RGS6: variants seen among roughly 807,000 people sequenced by gnomAD.
RGS6 encodes the protein regulator of G protein signaling 6.
Under a neutral mutation model 78.5 loss-of-function variants are expected in RGS6, and 30 were observed. That is an observed-to-expected ratio of 0.38 (90% CI 0.29 to 0.52). The LOEUF (loss-of-function observed/expected upper bound fraction) is 0.52. RGS6 is among the 20% of genes least tolerant of loss of function. The pLI, the probability that RGS6 is intolerant of heterozygous loss-of-function variation, is 0.85. For synonymous variants in RGS6, 206 were observed against 206.0 expected (o/e 1.00, Z 0.00); for missense variants, 495 against 609.7 (o/e 0.81, Z 1.98).
chr14:72,188,165 T>A (rs948136868), intron 2 of RGS6, among the ~76,000 whole-genome samples: 6 of 152,134 alleles, frequency 3.9e-5, no homozygotes, highest in Non-Finnish European at 8.8e-5. Flanking sequence ...CGTCCAGGCC[T>A]GAGTTGTAGT....
chr14:72,312,201 G>A (rs550612803), intron 2 of RGS6, among the ~76,000 whole-genome samples: 1 of 149,048 alleles, frequency 6.7e-6, no homozygotes, highest in Non-Finnish European at 1.5e-5. Flanking sequence ...AATTTATAGA[G>A]TTGCTTACAT....
chr14:72,570,958 G>A (rs2097719539), downstream of RGS6, among the ~76,000 whole-genome samples: 1 of 151,968 alleles, frequency 6.6e-6, no homozygotes, highest in South Asian at 2.1e-4. Flanking sequence ...ATAATCTTTG[G>A]GAATTTCATT....
intron 2 of RGS6, among the ~76,000 whole-genome samples, chr14:71,985,922 C>T (rs2094692854): frequency 6.6e-6 from 1 of 152,222 alleles, no homozygotes; most frequent in Non-Finnish European, 1.5e-5. Context: ...CCTGCACCAC[C>T]TCTGCCTACA....
At chr14:72,065,923 C>T (rs1017510927) in intron 2 of RGS6, among the ~76,000 whole-genome samples, 2 of 150,958 alleles carry the variant, frequency 1.3e-5, no homozygotes, top group Non-Finnish European at 3.0e-5. Context: ...CCCTCCCCCC[C>T]TCCCCCCAGC....
chr14:72,399,760 T>C (rs1287805799), intron 3 of RGS6, among the ~76,000 whole-genome samples: 2 of 152,080 alleles, frequency 1.3e-5, no homozygotes, highest in Admixed American at 6.5e-5. Context: ...TGCTTGTCTG[T>C]AAAGTATTTT....
chr14:72,547,515 A>G lies in RGS6; in HGVS notation c.1422+7421A>G, dbSNP rs115635559. On this transcript the variant is annotated intron_variant, in intron 17 of 17. Coordinates refer to ENST00000553525, the MANE Select transcript of RGS6 (RefSeq NM_001204424.2). ...CATGACATTTTGGAAGGAGGCCAGGATACCTGTCCATAGGTAGGAATAGCC... is the reference window on the plus strand; with the variant it reads ...CATGACATTTTGGAAGGAGGCCAGGGTACCTGTCCATAGGTAGGAATAGCC... The G allele has an allele frequency of 3.2e-3, 1,994 of 623,110 alleles. 28 individuals are homozygous for G. Among genetic ancestry groups the G allele is most frequent in the African/African-American group, 0.031 (1,716 of 54,662 alleles). 38.6% of individuals were successfully genotyped at this position (623,110 alleles called of 1,614,324 possible). A position where few individuals can be genotyped will look rare whatever the true frequency, so the allele number is the denominator to read the frequency against.
intron 17 of RGS6, among the ~76,000 whole-genome samples, chr14:72,554,579 G>A (rs969283751): frequency 2.8e-4 from 42 of 152,284 alleles, no homozygotes; most frequent in Middle Eastern, 3.4e-3. Flanking sequence ...TGGGAAGGAG[G>A]AGGAGAAGAG....
chr14:72,541,604 T>C (rs1567089805), intron 17 of RGS6: 2 of 1,535,644 alleles, frequency 1.3e-6, no homozygotes, highest in Non-Finnish European at 1.7e-6. Flanking sequence ...CTTCACTCCA[T>C]GATGGCCTGA....
At chr14:72,220,286 G>A (rs534750826) in intron 2 of RGS6, among the ~76,000 whole-genome samples, 1 of 152,008 alleles carries the variant, frequency 6.6e-6, no homozygotes, top group South Asian at 2.1e-4. Context: ...CATCTGAATT[G>A]TTCCTGGATC....
the RGS6 span, among the ~76,000 whole-genome samples, chr14:72,622,904 A>G: frequency 1.3e-5 from 2 of 152,174 alleles, no homozygotes; most frequent in African/African-American, 2.4e-5. Flanking sequence ...AATCCTCTAC[A>G]TTTACACTAT....
intron 13 of RGS6, among the ~76,000 whole-genome samples, chr14:72,505,020 C>T (rs2096781825): frequency 6.7e-6 from 1 of 148,364 alleles, no homozygotes; most frequent in Non-Finnish European, 1.5e-5. Flanking sequence ...TTGTGATCCG[C>T]CTGCATTGGC....
At chr14:72,625,819 C>A in the RGS6 span, among the ~76,000 whole-genome samples, 2 of 152,164 alleles carry the variant, frequency 1.3e-5, no homozygotes, top group Non-Finnish European at 2.9e-5. Context: ...TTCAATCTAG[C>A]CTTCCCCCCT....
chr14:72,552,963 GC>G (rs1220753164), intron 17 of RGS6, among the ~76,000 whole-genome samples: 1 of 152,222 alleles, frequency 6.6e-6, no homozygotes, highest in African/African-American at 2.4e-5. Flanking sequence ...AGCCAAACAA[GC>G]GATTGCCTGT....
chr14:72,192,676 C>T (rs952000345), intron 2 of RGS6, among the ~76,000 whole-genome samples: 7 of 152,172 alleles, frequency 4.6e-5, no homozygotes, highest in Admixed American at 2.0e-4. Context: ...TGGGTTTAAG[C>T]GCCACAATAA....
intron 2 of RGS6, among the ~76,000 whole-genome samples, chr14:72,039,159 G>C (rs4902976): frequency 0.12 from 18,567 of 152,254 alleles, 1,166 homozygotes; most frequent in East Asian, 0.17. Flanking sequence ...CATACTCAGT[G>C]AATCTACATT....
chr14:71,948,456 C>T (rs992877979), intron 1 of RGS6, among the ~76,000 whole-genome samples: 4 of 152,214 alleles, frequency 2.6e-5, no homozygotes, highest in Admixed American at 2.6e-4. Context: ...GCAATGCCAC[C>T]TTGAGAACCC....
chr14:72,101,311 A>G (rs1408070238), intron 2 of RGS6, among the ~76,000 whole-genome samples: 3 of 152,194 alleles, frequency 2.0e-5, no homozygotes, highest in East Asian at 1.9e-4. Context: ...TCATCCATCA[A>G]TTTCATTTTT....
intron 17 of RGS6, among the ~76,000 whole-genome samples, chr14:72,557,409 G>T (rs1264520998): frequency 6.6e-6 from 1 of 152,170 alleles, no homozygotes; most frequent in African/African-American, 2.4e-5. Context: ...GCTCAGTGGA[G>T]AAGGAGCACC....
chr14:72,054,105 A>C (rs551937914), intron 2 of RGS6, among the ~76,000 whole-genome samples: 1 of 152,328 alleles, frequency 6.6e-6, no homozygotes, highest in Non-Finnish European at 1.5e-5. Context: ...TTTCCAACCA[A>C]CATGAAGATG....
Sources: allele counts gnomAD v4.1 joint callset (sites outside exome capture counted in the v4.1 genomes callset), GRCh38; gene constraint gnomAD v4.1.1; transcripts MANE v1.5; gene names NCBI Gene and HGNC (gene_info 2026-07-23, HGNC 2026-07-21).